The following SNTG1 variants were observed in gnomAD, a reference collection of about 807,000 sequenced individuals.
SNTG1 encodes the protein syntrophin gamma 1, also known as gamma-1-syntrophin.
In SNTG1, 39 loss-of-function variants were observed where a neutral mutation model predicts 74.7. The observed-to-expected ratio is 0.52, with a 90% CI of 0.40 to 0.68. SNTG1 has a LOEUF of 0.68. Ranked by LOEUF, SNTG1 falls within the 30% of genes least tolerant of loss-of-function variation. SNTG1 has a pLI of 0.00. For missense variants in SNTG1, 685 were observed against 609.5 expected (o/e 1.12, Z -1.30); for synonymous variants, 254 against 217.1 (o/e 1.17, Z -1.49).
chr8:50,653,435 AT>A (rs2095160896), intron 13 of SNTG1, among the ~76,000 whole-genome samples: 1 of 152,250 alleles, frequency 6.6e-6, no homozygotes, highest in East Asian at 1.9e-4. Flanking sequence ...GTCTAAAAAA[AT>A]ATATTAGTAA....
rs1466879793 is a variant in SNTG1 at position 49,929,721 on chromosome 8, TTTTTTTTATTATACTTTAAG to T, written c.-103+17495_-103+17514del. 4.2e-5 allele frequency among the ~76,000 whole-genome samples: 6 copies of T among 142,740 alleles called. No individual in the cohort carries two copies. In the South Asian group the frequency reaches 1.2e-3, roughly 30 times the overall value. The allele number at this position is 142,740 out of a possible 152,430, so 93.6% of individuals were successfully genotyped here. A position where few individuals can be genotyped will look rare whatever the true frequency, so the allele number is the denominator to read the frequency against. On this transcript the variant is annotated intron_variant, in intron 1 of 18. Coordinates refer to ENST00000642720, the MANE Select transcript of SNTG1 (RefSeq NM_018967.5). ...TTTGTTTTAGCTTATTTTTTTTTAA[TTTTTTTTATTATACTTTAAG>T]TTTTAGGGTACATGTGCACATTGTG...
intron 9 of SNTG1, among the ~76,000 whole-genome samples, chr8:50,529,842 A>G (rs1490867801): frequency 1.3e-5 from 2 of 149,954 alleles, no homozygotes; most frequent in Non-Finnish European, 3.0e-5. Context: ...GACAACCAAA[A>G]TCTTGTATTA....
intron 18 of SNTG1, among the ~76,000 whole-genome samples, chr8:50,785,906 A>T (rs2095673630): frequency 6.6e-6 from 1 of 152,162 alleles, no homozygotes; most frequent in South Asian, 2.1e-4. Context: ...GAATAAGGAC[A>T]AAAATACATA....
At chr8:50,090,985 T>C (rs899236496) in intron 1 of SNTG1, among the ~76,000 whole-genome samples, 1 of 152,104 alleles carries the variant, frequency 6.6e-6, no homozygotes, top group African/African-American at 2.4e-5. Context: ...TGGAAGATGG[T>C]AAAGAGATGA....
chr8:50,223,600 G>A (rs180875759), intron 2 of SNTG1, among the ~76,000 whole-genome samples: 1 of 151,918 alleles, frequency 6.6e-6, no homozygotes, highest in African/African-American at 2.4e-5. Context: ...CTCATTAAAT[G>A]CAAAAGATAA....
At chr8:50,400,606 CAT>C (rs2092791018) in intron 3 of SNTG1, among the ~76,000 whole-genome samples, 1 of 152,168 alleles carries the variant, frequency 6.6e-6, no homozygotes, top group South Asian at 2.1e-4. Flanking sequence ...TACTAATTTA[CAT>C]TTCCACTAAC....
rs188154261 is a variant in SNTG1 at position 50,302,994 on chromosome 8, T to C, written c.-27-91218T>C. On this transcript the variant is annotated intron_variant, in intron 2 of 18. Coordinates refer to ENST00000642720, the MANE Select transcript of SNTG1 (RefSeq NM_018967.5). Reference sequence around the variant, plus strand: ...GAATAATGAATACAAGTTTGATGGATAAAATAACTAATGAATGTATTCATA... The same window carrying C: ...GAATAATGAATACAAGTTTGATGGACAAAATAACTAATGAATGTATTCATA... Among the ~76,000 whole-genome samples, 223 of 152,326 alleles carry C rather than the reference T, an allele frequency of 1.5e-3. 2 individuals carry two copies. Among genetic ancestry groups the C allele is most frequent in the African/African-American group, 4.5e-3 (189 of 41,580 alleles).
At chr8:50,773,931 T>G (rs1264191884) in intron 18 of SNTG1, among the ~76,000 whole-genome samples, 3 of 152,020 alleles carry the variant, frequency 2.0e-5, no homozygotes, top group Non-Finnish European at 4.4e-5. Flanking sequence ...TCAAATAAAA[T>G]TTTCAGTTGA....
At chr8:50,353,120 C>G (rs1422886206) in intron 2 of SNTG1, among the ~76,000 whole-genome samples, 1 of 151,998 alleles carries the variant, frequency 6.6e-6, no homozygotes, top group Non-Finnish European at 1.5e-5. Context: ...ATGGATAAAG[C>G]TGGAAACCAT....
At chr8:50,154,839 A>G (rs980078764) in intron 1 of SNTG1, among the ~76,000 whole-genome samples, 1 of 152,204 alleles carries the variant, frequency 6.6e-6, no homozygotes, top group Non-Finnish European at 1.5e-5. Context: ...GTTGGATGAA[A>G]TCTTGCAGTG....
chr8:50,145,254 T>G (rs1312736083), intron 1 of SNTG1, among the ~76,000 whole-genome samples: 1 of 152,122 alleles, frequency 6.6e-6, no homozygotes, highest in African/African-American at 2.4e-5. Context: ...ACAATGACTA[T>G]AGACACATTT....
chr8:50,492,503 T>C (rs1215180511), intron 8 of SNTG1, among the ~76,000 whole-genome samples: 1 of 152,220 alleles, frequency 6.6e-6, no homozygotes, highest in African/African-American at 2.4e-5. Flanking sequence ...GATGATGAGC[T>C]TTTCTTCATA....
intron 1 of SNTG1, among the ~76,000 whole-genome samples, chr8:50,142,399 G>C (rs1417120511): frequency 6.6e-6 from 1 of 151,650 alleles, no homozygotes; most frequent in African/African-American, 2.4e-5. Flanking sequence ...GCTTGAAGAA[G>C]AATTCACAAG....
chr8:50,043,581 A>G (rs1818825207), intron 1 of SNTG1, among the ~76,000 whole-genome samples: 1 of 152,116 alleles, frequency 6.6e-6, no homozygotes, highest in African/African-American at 2.4e-5. Context: ...CTGGCCTCAC[A>G]CTCTTGAAGC....
At chr8:49,932,915 C>T (rs574859809) in intron 1 of SNTG1, among the ~76,000 whole-genome samples, 1 of 152,218 alleles carries the variant, frequency 6.6e-6, no homozygotes, top group Non-Finnish European at 1.5e-5. Flanking sequence ...CATACTGTTG[C>T]CAAGGTTCAT....
chr8:50,020,653 GC>G (rs779848034), intron 1 of SNTG1, among the ~76,000 whole-genome samples: 7 of 152,120 alleles, frequency 4.6e-5, no homozygotes, highest in Non-Finnish European at 7.4e-5. Flanking sequence ...TTACAAAGGG[GC>G]TATTTATTGG....
At chr8:50,739,658 A>T (rs1378157258) in intron 17 of SNTG1, among the ~76,000 whole-genome samples, 4 of 152,074 alleles carry the variant, frequency 2.6e-5, no homozygotes, top group Non-Finnish European at 4.4e-5. Context: ...TGGCATGTGT[A>T]TCCCAGAACT....
At chr8:50,421,897 C>A (rs1479850356) in intron 4 of SNTG1, among the ~76,000 whole-genome samples, 2 of 152,062 alleles carry the variant, frequency 1.3e-5, no homozygotes, top group African/African-American at 2.4e-5. Flanking sequence ...AATGCAGATC[C>A]AGAGTATCTC....
intron 2 of SNTG1, among the ~76,000 whole-genome samples, chr8:50,257,097 C>T (rs369905102): frequency 6.6e-6 from 1 of 151,892 alleles, no homozygotes; most frequent in African/African-American, 2.4e-5. Context: ...AGAAGCACAC[C>T]CACCAGCAGA....
Sources: allele counts gnomAD v4.1 joint callset (sites outside exome capture counted in the v4.1 genomes callset), GRCh38; gene constraint gnomAD v4.1.1; transcripts MANE v1.5; gene names NCBI Gene and HGNC (gene_info 2026-07-23, HGNC 2026-07-21).